CFAP299: variants seen among roughly 807,000 people sequenced by gnomAD.
CFAP299 encodes the protein cilia- and flagella-associated protein 299.
Under a neutral mutation model 27.0 loss-of-function variants are expected in CFAP299, and 21 were observed. The observed-to-expected ratio is 0.78, with a 90% CI of 0.55 to 1.12. CFAP299 has a LOEUF of 1.12. CFAP299 is among the 50% of genes most tolerant of loss of function. CFAP299 has a pLI of 0.00. For synonymous variants in CFAP299, 104 were observed against 98.1 expected, an observed-to-expected ratio of 1.06 and a Z score of -0.36; for missense variants, 310 against 276.6, an observed-to-expected ratio of 1.12 and a Z score of -0.86.
At chr4:80,660,783 G>A (rs1740801074) in intron 3 of CFAP299, among the ~76,000 whole-genome samples, 1 of 152,108 alleles carries the variant, frequency 6.6e-6, no homozygotes. Context: ...GCTCGATTGA[G>A]TTTGGAAACT....
At chr4:80,748,500 C>G (rs1160384146) in intron 3 of CFAP299, among the ~76,000 whole-genome samples, 1 of 152,086 alleles carries the variant, frequency 6.6e-6, no homozygotes, top group East Asian at 1.9e-4. Context: ...TCTATTTTCC[C>G]TAATAGATTG....
intron 3 of CFAP299, among the ~76,000 whole-genome samples, chr4:80,742,286 C>T (rs558395837): frequency 6.6e-6 from 1 of 152,082 alleles, no homozygotes; most frequent in African/African-American, 2.4e-5. Context: ...TGTTTATGCC[C>T]CTGTCTCCCA....
intron 2 of CFAP299, among the ~76,000 whole-genome samples, chr4:80,396,129 T>C (rs945377477): frequency 2.0e-5 from 3 of 152,178 alleles, no homozygotes; most frequent in African/African-American, 7.2e-5. Context: ...TGATAAATTA[T>C]TTTTCGTGTT....
At chr4:80,783,716 C>T (rs1448126608) in intron 3 of CFAP299, among the ~76,000 whole-genome samples, 3 of 152,056 alleles carry the variant, frequency 2.0e-5, no homozygotes, top group African/African-American at 7.2e-5. Context: ...AAATAGAACC[C>T]ATTTTTTGTT....
Position 80,513,181 on chromosome 4 carries a change from G to A in CFAP299, c.243-69912G>A, listed in dbSNP as rs137936238. Among the ~76,000 whole-genome samples, 412 of 152,210 alleles carry A rather than the reference G, an allele frequency of 2.7e-3. 1 individual carries two copies. Among genetic ancestry groups the A allele is most frequent in the Non-Finnish European group, 4.0e-3 (275 of 67,994 alleles). ...ACTCTTTTACTCTCAGAAATATTGT[G>A]CTTTGATTGATAAAGCATATGCATA... On this transcript the variant is annotated intron_variant, in intron 2 of 5. Coordinates refer to ENST00000358105, the MANE Select transcript of CFAP299 (RefSeq NM_152770.3).
chr4:80,456,772 G>A (rs1461673391), intron 2 of CFAP299, among the ~76,000 whole-genome samples: 1 of 152,106 alleles, frequency 6.6e-6, no homozygotes, highest in Non-Finnish European at 1.5e-5. Flanking sequence ...ATTAATCTGT[G>A]ACTCATGCAT....
intron 3 of CFAP299, among the ~76,000 whole-genome samples, chr4:80,859,106 C>A (rs1444133248): frequency 1.3e-5 from 2 of 152,238 alleles, no homozygotes; most frequent in East Asian, 3.9e-4. Context: ...GTATTGGGTG[C>A]ATATATATTT....
intron 3 of CFAP299, among the ~76,000 whole-genome samples, chr4:80,625,970 G>A (rs1371387716): frequency 1.3e-5 from 2 of 151,836 alleles, no homozygotes; most frequent in Admixed American, 6.6e-5. Context: ...CTGGAAATGG[G>A]CAGATCATTC....
At chr4:80,807,385 T>C (rs1728917699) in intron 3 of CFAP299, among the ~76,000 whole-genome samples, 1 of 152,138 alleles carries the variant, frequency 6.6e-6, no homozygotes, top group Non-Finnish European at 1.5e-5. Context: ...ACTCATCTGC[T>C]GGCAGTGAAG....
intron 1 of CFAP299, among the ~76,000 whole-genome samples, chr4:80,354,576 TA>T (rs1723169111): frequency 6.6e-6 from 1 of 152,146 alleles, no homozygotes; most frequent in African/African-American, 2.4e-5. Flanking sequence ...GCTATATAGC[TA>T]AAAGTGTCAT....
At chr4:80,647,715 A>G (rs1172544592) in intron 3 of CFAP299, among the ~76,000 whole-genome samples, 1 of 152,194 alleles carries the variant, frequency 6.6e-6, no homozygotes, top group Non-Finnish European at 1.5e-5. Flanking sequence ...TATTAAATGT[A>G]ATATTTAATT....
intron 4 of CFAP299, among the ~76,000 whole-genome samples, chr4:80,932,193 T>C (rs892730921): frequency 6.6e-6 from 1 of 152,186 alleles, no homozygotes; most frequent in African/African-American, 2.4e-5. Context: ...CTAAATGACC[T>C]AATGAACTAA....
chr4:80,390,116 T>G (rs1288002791), intron 2 of CFAP299, among the ~76,000 whole-genome samples: 1 of 152,102 alleles, frequency 6.6e-6, no homozygotes, highest in Non-Finnish European at 1.5e-5. Context: ...TCACAATACC[T>G]TTATTTTATG....
At chr4:80,804,181 T>G (rs537118003) in intron 3 of CFAP299, among the ~76,000 whole-genome samples, 1 of 152,216 alleles carries the variant, frequency 6.6e-6, no homozygotes, top group African/African-American at 2.4e-5. Context: ...ACACAGCAAG[T>G]GGTATTAAAT....
intron 4 of CFAP299, among the ~76,000 whole-genome samples, chr4:80,929,738 A>T (rs886868966): frequency 1.3e-5 from 2 of 152,118 alleles, no homozygotes; most frequent in Non-Finnish European, 2.9e-5. Context: ...CAGGAACTGC[A>T]TATCTGGGCA....
At chr4:80,622,870 G>A (rs1172705387) in intron 3 of CFAP299, among the ~76,000 whole-genome samples, 1 of 152,060 alleles carries the variant, frequency 6.6e-6, no homozygotes, top group Non-Finnish European at 1.5e-5. Context: ...CTTTATGTCT[G>A]GGATGAGAAT....
chr4:80,546,889 A>G (rs968541136), intron 2 of CFAP299, among the ~76,000 whole-genome samples: 1 of 152,128 alleles, frequency 6.6e-6, no homozygotes, highest in Non-Finnish European at 1.5e-5. Context: ...GTGTTTCTTT[A>G]TAGCAATGCA....
At chr4:80,534,390 A>G (rs1733627520) in intron 2 of CFAP299, among the ~76,000 whole-genome samples, 2 of 151,156 alleles carry the variant, frequency 1.3e-5, no homozygotes, top group African/African-American at 4.8e-5. Context: ...AACTTTTACC[A>G]CATAGTTCTA....
At chr4:80,688,371 G>T (rs547567702) in intron 3 of CFAP299, among the ~76,000 whole-genome samples, 115 of 151,432 alleles carry the variant, frequency 7.6e-4, no homozygotes, top group Admixed American at 1.2e-3. Flanking sequence ...TCCTCAAGTG[G>T]GTCCCTGACC....
Sources: gnomAD v4.1 joint callset for allele counts (sites outside exome capture counted in the v4.1 genomes callset) on GRCh38, gnomAD v4.1.1 for gene constraint, MANE v1.5 for transcripts, NCBI Gene and HGNC (gene_info 2026-07-23, HGNC 2026-07-21) for gene names.